The following PM20D2 variants were observed in gnomAD, a reference collection of about 807,000 sequenced individuals.
PM20D2 encodes xaa-Arg dipeptidase.
Under a neutral mutation model 42.9 loss-of-function variants are expected in PM20D2, and 33 were observed. The observed-to-expected ratio is 0.77, with a 90% CI of 0.58 to 1.03. PM20D2 has a LOEUF of 1.03. PM20D2 is among the 50% of genes least tolerant of loss of function. The pLI is 0.00. For synonymous variants in PM20D2, 250 were observed against 228.2 expected, an observed-to-expected ratio of 1.10 and a Z score of -0.86; for missense variants, 548 against 557.0, an observed-to-expected ratio of 0.98 and a Z score of 0.16.
chr6:89,114,241 A>G, the PM20D2 span, among the ~76,000 whole-genome samples: 1 of 152,182 alleles, frequency 6.6e-6, no homozygotes, highest in Non-Finnish European at 1.5e-5. Flanking sequence ...CAGCCTGGCC[A>G]ACATGATGAA....
At chr6:89,161,382 C>T (rs924143492) in intron 5 of PM20D2, among the ~76,000 whole-genome samples, 6 of 152,072 alleles carry the variant, frequency 3.9e-5, no homozygotes, top group African/African-American at 7.2e-5. Context: ...TGGAGTCTCC[C>T]GTAACTATTA....
intron 3 of PM20D2, among the ~76,000 whole-genome samples, chr6:89,154,207 T>A (rs1217223295): frequency 6.6e-6 from 1 of 152,218 alleles, no homozygotes; most frequent in Non-Finnish European, 1.5e-5. Context: ...TTCGAATGAA[T>A]AAATCTTAAT....
chr6:89,160,594 G>C (rs1199884851), intron 5 of PM20D2, among the ~76,000 whole-genome samples: 1 of 152,202 alleles, frequency 6.6e-6, no homozygotes, highest in African/African-American at 2.4e-5. Context: ...AAGTGCCTGT[G>C]TGTCAATCCT....
Position 89,161,655 on chromosome 6 carries a change from G to A in PM20D2, c.1049-128G>A. ...GGAAGGTGAGCCCATGAAAGCATGA[G>A]CATACGGACAACTCTCCAAGAAGCT... On this transcript the variant is annotated intron_variant, in intron 5 of 6. Transcript: ENST00000275072. The A allele has an allele frequency of 5.8e-6, 4 of 694,110 alleles. No homozygotes were observed. In the South Asian group the frequency reaches 7.1e-5, roughly 12 times the overall value. The allele number at this position is 694,110 out of a possible 1,614,324, so 43.0% of individuals were successfully genotyped here. A position where few individuals can be genotyped will look rare whatever the true frequency, so the allele number is the denominator to read the frequency against.
the PM20D2 span, among the ~76,000 whole-genome samples, chr6:89,124,407 A>G: frequency 6.6e-6 from 1 of 152,228 alleles, no homozygotes; most frequent in Non-Finnish European, 1.5e-5. Context: ...TTCTTGCTAG[A>G]GATAGACACG....
the PM20D2 span, among the ~76,000 whole-genome samples, chr6:89,103,253 C>T: frequency 6.6e-6 from 1 of 151,976 alleles, no homozygotes; most frequent in Admixed American, 6.6e-5. Context: ...TGTGAATATC[C>T]ACCTTATTTA....
At chr6:89,099,402 C>CA in the PM20D2 span, among the ~76,000 whole-genome samples, 619 of 117,510 alleles carry the variant, frequency 5.3e-3, 9 homozygotes, top group African/African-American at 0.023. Context: ...CTCTCTCTCT[C>CA]CATATATATA....
chr6:89,108,217 C>G, the PM20D2 span, among the ~76,000 whole-genome samples: 1 of 152,176 alleles, frequency 6.6e-6, no homozygotes, highest in Non-Finnish European at 1.5e-5. Context: ...CATGGAGCTA[C>G]AATTTAACTG....
chr6:89,109,476 A>T, the PM20D2 span, among the ~76,000 whole-genome samples: 1 of 152,210 alleles, frequency 6.6e-6, no homozygotes, highest in Admixed American at 6.5e-5. Flanking sequence ...AGATCTACAC[A>T]GCCAGTAGTA....
At chr6:89,146,716 C>A in intron 1 of PM20D2, 107 bp downstream of exon 1, 1 of 952,332 alleles carries the variant, frequency 1.1e-6, no homozygotes, top group Non-Finnish European at 1.4e-6. Context: ...CCCTCCCGCC[C>A]GGGGCAGGTG....
At chr6:89,112,100 C>T in the PM20D2 span, among the ~76,000 whole-genome samples, 1 of 151,428 alleles carries the variant, frequency 6.6e-6, no homozygotes, top group Non-Finnish European at 1.5e-5. Context: ...CTCCTCCTCC[C>T]CGGTTCAAGA....
intron 1 of PM20D2, among the ~76,000 whole-genome samples, chr6:89,148,277 C>T (rs1372003720): frequency 6.6e-6 from 1 of 152,096 alleles, no homozygotes; most frequent in Non-Finnish European, 1.5e-5. Flanking sequence ...CCGCTCCCGG[C>T]CCACTCTTCT....
chr6:89,111,129 G>C, the PM20D2 span, among the ~76,000 whole-genome samples: 1 of 147,886 alleles, frequency 6.8e-6, no homozygotes, highest in African/African-American at 2.5e-5. Context: ...TTTTTTTGGA[G>C]ATGGAATCTT....
the PM20D2 span, among the ~76,000 whole-genome samples, chr6:89,138,346 C>T: frequency 2.0e-5 from 3 of 152,052 alleles, no homozygotes; most frequent in Admixed American, 2.0e-4. Flanking sequence ...CACTCGGGTA[C>T]AATTATAAGC....
the PM20D2 span, among the ~76,000 whole-genome samples, chr6:89,109,127 G>A: frequency 7.2e-5 from 11 of 152,148 alleles, no homozygotes; most frequent in Admixed American, 2.6e-4. Flanking sequence ...CTGGCATAAA[G>A]ATTCTCAACC....
At chr6:89,116,249 A>C in the PM20D2 span, among the ~76,000 whole-genome samples, 1 of 152,104 alleles carries the variant, frequency 6.6e-6, no homozygotes, top group Non-Finnish European at 1.5e-5. Flanking sequence ...GAAACCTCTG[A>C]TTTTTCTACA....
chr6:89,106,284 TG>T, the PM20D2 span, among the ~76,000 whole-genome samples: 99,167 of 151,812 alleles, frequency 0.65, 33,169 homozygotes, highest in East Asian at 0.78. Context: ...GGCTAATTTT[TG>T]TATTTTTAGT....
the PM20D2 span, among the ~76,000 whole-genome samples, chr6:89,125,791 A>G: frequency 6.6e-6 from 1 of 151,504 alleles, no homozygotes; most frequent in East Asian, 1.9e-4. Flanking sequence ...CTCAAAAAAA[A>G]AAAAAAATTC....
At chr6:89,122,516 T>C in the PM20D2 span, among the ~76,000 whole-genome samples, 1 of 152,234 alleles carries the variant, frequency 6.6e-6, no homozygotes, top group East Asian at 1.9e-4. Flanking sequence ...GGGCTAATTA[T>C]CAGGTCTAAT....
Sources: allele counts gnomAD v4.1 joint callset (sites outside exome capture counted in the v4.1 genomes callset), GRCh38; gene constraint gnomAD v4.1.1; transcripts MANE v1.5; gene names NCBI Gene and HGNC (gene_info 2026-07-23, HGNC 2026-07-21).